The following MLLT3 variants were observed in gnomAD, a reference collection of about 807,000 sequenced individuals.
The protein encoded by MLLT3 is protein AF-9.
Under a neutral mutation model 53.2 loss-of-function variants are expected in MLLT3, and 4 were observed. That is an observed-to-expected ratio of 0.08 (90% CI 0.04 to 0.17). MLLT3 has a LOEUF of 0.17. MLLT3 is among the 10% of genes least tolerant of loss of function. The pLI, the probability that MLLT3 is intolerant of heterozygous loss-of-function variation, is 1.00. For missense variants in MLLT3, 569 were observed against 684.0 expected, an observed-to-expected ratio of 0.83 and a Z score of 1.87; for synonymous variants, 283 against 230.6, an observed-to-expected ratio of 1.23 and a Z score of -2.06.
intron 2 of MLLT3, among the ~76,000 whole-genome samples, chr9:20,526,497 G>C (rs1818207739): frequency 6.6e-6 from 1 of 152,132 alleles, no homozygotes; most frequent in Non-Finnish European, 1.5e-5. Flanking sequence ...TATGTGTATG[G>C]CTTCTTAAGA....
At chr9:20,509,865 A>C (rs1354311322) in intron 2 of MLLT3, among the ~76,000 whole-genome samples, 1 of 137,940 alleles carries the variant, frequency 7.2e-6, no homozygotes, top group African/African-American at 2.9e-5. Context: ...ATCAGGGTAC[A>C]ATTATTATTT....
chr9:20,359,050 C>G (rs192733935), intron 8 of MLLT3, among the ~76,000 whole-genome samples: 1 of 144,486 alleles, frequency 6.9e-6, no homozygotes, highest in Admixed American at 7.4e-5. Context: ...GGGGCTGAGG[C>G]AGGAGAATCG....
intron 2 of MLLT3, among the ~76,000 whole-genome samples, chr9:20,583,173 C>G (rs1437200389): frequency 6.6e-6 from 1 of 152,126 alleles, no homozygotes; most frequent in Non-Finnish European, 1.5e-5. Flanking sequence ...AGGGCCCATG[C>G]ATTCAAATTT....
intron 2 of MLLT3, among the ~76,000 whole-genome samples, chr9:20,578,350 G>C (rs1264829220): frequency 6.6e-6 from 1 of 152,114 alleles, no homozygotes; most frequent in Non-Finnish European, 1.5e-5. Context: ...ATGAAAAACA[G>C]GGATTGATTA....
chr9:20,451,342 T>G (rs1823833908), intron 3 of MLLT3, among the ~76,000 whole-genome samples: 1 of 152,170 alleles, frequency 6.6e-6, no homozygotes, highest in Admixed American at 6.6e-5. Context: ...TCCTATACAC[T>G]TTCTTAAAGA....
chr9:20,484,792 TAATGA>T (rs1824763963), intron 2 of MLLT3, among the ~76,000 whole-genome samples: 1 of 152,144 alleles, frequency 6.6e-6, no homozygotes, highest in Non-Finnish European at 1.5e-5. Flanking sequence ...TCAAAATGTT[TAATGA>T]AATACTGAAA....
intron 2 of MLLT3, among the ~76,000 whole-genome samples, chr9:20,531,197 G>A (rs1344623765): frequency 1.8e-4 from 27 of 147,354 alleles, no homozygotes; most frequent in African/African-American, 2.5e-5. Context: ...GTGTAATGGC[G>A]CGATCTCGGC....
intron 5 of MLLT3, among the ~76,000 whole-genome samples, chr9:20,375,390 G>A (rs1460171100): frequency 6.6e-6 from 1 of 152,096 alleles, no homozygotes; most frequent in Non-Finnish European, 1.5e-5. Flanking sequence ...TTAGGGACAG[G>A]GAAGAAAGTT....
intron 2 of MLLT3, among the ~76,000 whole-genome samples, chr9:20,526,916 T>C (rs1378391946): frequency 6.6e-6 from 1 of 152,198 alleles, no homozygotes; most frequent in East Asian, 1.9e-4. Context: ...CATATGTTTA[T>C]TGTATATATT....
At position 20,375,599 on chromosome 9, in the gene MLLT3, TTTTTTCTTTTC is replaced by T. The variant is rs1229679013; in HGVS notation, c.1126-9866_1126-9856del. ...ACCTTGTTATTTCAGTAATTTTTTTTTTTTTCTTTTCTTTTTTTTTTTTTTTGAGACAGAGT... is the reference window on the plus strand; with the variant it reads ...ACCTTGTTATTTCAGTAATTTTTTTTTTTTTTTTTTTTTTTGAGACAGAGT... On this transcript the variant is annotated intron_variant, in intron 5 of 10. Transcript: ENST00000380338. Among the ~76,000 whole-genome samples the T allele has an allele frequency of 3.7e-3, 421 of 113,712 alleles. 11 individuals are homozygous for T. Among genetic ancestry groups the T allele is most frequent in the African/African-American group, 0.027 (356 of 13,220 alleles). The allele number at this position is 113,712 out of a possible 152,430, so 74.6% of individuals were successfully genotyped here. A position where few individuals can be genotyped will look rare whatever the true frequency, so the allele number is the denominator to read the frequency against.
intron 8 of MLLT3, among the ~76,000 whole-genome samples, chr9:20,357,746 G>A (rs1821204828): frequency 6.6e-6 from 1 of 152,134 alleles, no homozygotes; most frequent in Admixed American, 6.5e-5. Context: ...GAAGATTTGA[G>A]AAAAGGCAAT....
At chr9:20,588,766 T>G (rs1417611977) in intron 2 of MLLT3, among the ~76,000 whole-genome samples, 1 of 152,192 alleles carries the variant, frequency 6.6e-6, no homozygotes, top group African/African-American at 2.4e-5. Flanking sequence ...GTTTTCTAGA[T>G]ATACAATCAT....
chr9:20,446,699 T>C (rs1823711521), intron 4 of MLLT3, among the ~76,000 whole-genome samples: 1 of 152,226 alleles, frequency 6.6e-6, no homozygotes, highest in Admixed American at 6.5e-5. Flanking sequence ...TAGTTGATTG[T>C]TAATGGCATA....
In MLLT3 at chr9:20,522,968, T is replaced by A. The variant is rs139187652; in HGVS notation, c.194-66182A>T. On this transcript the variant is annotated intron_variant, in intron 2 of 10. Coordinates refer to ENST00000380338, the MANE Select transcript of MLLT3 (RefSeq NM_004529.4). ...CAGAGTGAGACCCTGTCTTAAAAAATAAATAAATAAATAAATAAATAAAAA... is the reference window on the plus strand; with the variant it reads ...CAGAGTGAGACCCTGTCTTAAAAAAAAAATAAATAAATAAATAAATAAAAA... Among the ~76,000 whole-genome samples, 914 of 150,826 alleles carry A rather than the reference T, an allele frequency of 6.1e-3. 13 individuals carry two copies. The highest frequency in any genetic ancestry group is 9.1e-3 in the Non-Finnish European group (618 of 67,586).
intron 5 of MLLT3, among the ~76,000 whole-genome samples, chr9:20,378,445 G>C (rs1821828619): frequency 6.6e-6 from 1 of 151,936 alleles, no homozygotes. Context: ...ATCAAACTCA[G>C]AGCTTAAAAG....
intron 5 of MLLT3, among the ~76,000 whole-genome samples, chr9:20,408,585 C>T (rs1014566520): frequency 2.0e-5 from 3 of 152,164 alleles, no homozygotes; most frequent in African/African-American, 7.2e-5. Flanking sequence ...AGAACCTGCC[C>T]CCTGGAGAGC....
intron 4 of MLLT3, among the ~76,000 whole-genome samples, chr9:20,416,525 T>C (rs145835998): frequency 3.2e-4 from 49 of 152,232 alleles, no homozygotes; most frequent in African/African-American, 9.6e-4. Context: ...AGGGTACACA[T>C]TGGTATCTGA....
intron 2 of MLLT3, among the ~76,000 whole-genome samples, chr9:20,594,344 G>C (rs1377986520): frequency 6.6e-6 from 1 of 152,096 alleles, no homozygotes; most frequent in Non-Finnish European, 1.5e-5. Flanking sequence ...TTCTGACTGA[G>C]CTCCTCTCTA....
At position 20,414,021 on chromosome 9, in the gene MLLT3, T is replaced by C; in HGVS notation, c.825A>G (p.Gly275=). ...PDSNLLTITS[G]QDKKAPSKRP... ...TTTTACTAGGAGCCTTCTTATCTTG[T>C]CCACTGGTGATGGTGAGTAAGTTAC... Residue 275 remains glycine (G), a synonymous_variant, in exon 5 of 11, where the codon GGA becomes GGG. Coordinates refer to ENST00000380338, the MANE Select transcript of MLLT3 (RefSeq NM_004529.4). 1 of 1,614,196 alleles carries C rather than the reference T, an allele frequency of 6.2e-7. No homozygotes were observed. Among genetic ancestry groups the C allele is most frequent in the Non-Finnish European group, 8.5e-7 (1 of 1,180,028 alleles).
Sources: gnomAD v4.1 joint callset for allele counts (sites outside exome capture counted in the v4.1 genomes callset) on GRCh38, gnomAD v4.1.1 for gene constraint, MANE v1.5 for transcripts, NCBI Gene and HGNC (gene_info 2026-07-23, HGNC 2026-07-21) for gene names.